PTGFR: variants seen among roughly 807,000 people sequenced by gnomAD.
PTGFR encodes prostaglandin F2-alpha receptor.
A neutral mutation model predicts 26.2 loss-of-function variants in PTGFR; 15 were observed. That is an observed-to-expected ratio of 0.57 (90% CI 0.38 to 0.88). The LOEUF is 0.88. Ranked by LOEUF, PTGFR falls within the 40% of genes least tolerant of loss-of-function variation. PTGFR has a pLI of 0.00. For synonymous variants in PTGFR, 165 were observed against 151.1 expected, an observed-to-expected ratio of 1.09 and a Z score of -0.68; for missense variants, 369 against 427.2, an observed-to-expected ratio of 0.86 and a Z score of 1.20.
chr1:78,533,961 T>G (rs189535566), intron 2 of PTGFR, among the ~76,000 whole-genome samples: 1 of 152,298 alleles, frequency 6.6e-6, no homozygotes, highest in African/African-American at 2.4e-5. Flanking sequence ...CCTCCATGCT[T>G]CTTTGACCTC....
chr1:78,497,529 G>A (rs1373479236), intron 2 of PTGFR, among the ~76,000 whole-genome samples: 1 of 152,042 alleles, frequency 6.6e-6, no homozygotes, highest in Non-Finnish European at 1.5e-5. Flanking sequence ...ATATTCTTTT[G>A]TTTCTACTTT....
chr1:78,532,402 ATATGTGTATATATATGTG>A (rs1407699635), intron 2 of PTGFR: 20 of 140,346 alleles, frequency 1.4e-4, no homozygotes, highest in African/African-American at 3.1e-4. Flanking sequence ...ATATATGTAT[ATATGTGTATATATATGTG>A]TGTATATATG....
intron 2 of PTGFR, among the ~76,000 whole-genome samples, chr1:78,509,879 A>G (rs899407103): frequency 6.6e-6 from 1 of 152,226 alleles, no homozygotes; most frequent in African/African-American, 2.4e-5. Context: ...TATTTTACCT[A>G]TATCAACACT....
chr1:78,500,597 T>C (rs1196729314), intron 2 of PTGFR, among the ~76,000 whole-genome samples: 1 of 152,236 alleles, frequency 6.6e-6, no homozygotes, highest in Non-Finnish European at 1.5e-5. Context: ...GCTCCTCTCC[T>C]ACCCAATCCT....
chr1:78,526,957 G>A (rs916682406), intron 2 of PTGFR, among the ~76,000 whole-genome samples: 1 of 152,084 alleles, frequency 6.6e-6, no homozygotes, highest in South Asian at 2.1e-4. Flanking sequence ...CTTTGTTAAG[G>A]ATAGATGATA....
intron 2 of PTGFR, among the ~76,000 whole-genome samples, chr1:78,515,591 AT>A (rs1650073865): frequency 6.6e-6 from 1 of 152,188 alleles, no homozygotes; most frequent in Non-Finnish European, 1.5e-5. Context: ...GAGTTTTTTT[AT>A]TGGAGAAATT....
intron 1 of PTGFR, among the ~76,000 whole-genome samples, chr1:78,491,446 G>T (rs1649394452): frequency 6.6e-6 from 1 of 152,220 alleles, no homozygotes; most frequent in Non-Finnish European, 1.5e-5. Flanking sequence ...CTCTGCGGGG[G>T]ATTGGGTAGA....
At chr1:78,532,850 T>C (rs1019618587) in intron 2 of PTGFR, among the ~76,000 whole-genome samples, 13 of 152,090 alleles carry the variant, frequency 8.5e-5, no homozygotes, top group Non-Finnish European at 1.8e-4. Context: ...CAGGGAAAAG[T>C]GAAGGCTGTC....
At chr1:78,526,957 G>T (rs916682406) in intron 2 of PTGFR, among the ~76,000 whole-genome samples, 1 of 152,084 alleles carries the variant, frequency 6.6e-6, no homozygotes, top group Non-Finnish European at 1.5e-5. Flanking sequence ...CTTTGTTAAG[G>T]ATAGATGATA....
intron 2 of PTGFR, among the ~76,000 whole-genome samples, chr1:78,529,078 A>ACT (rs1208334309): frequency 6.6e-6 from 1 of 152,188 alleles, no homozygotes; most frequent in Non-Finnish European, 1.5e-5. Context: ...TTGTACCACA[A>ACT]CTTTGAGAAT....
intron 1 of PTGFR, among the ~76,000 whole-genome samples, chr1:78,492,363 G>A (rs1004626283): frequency 6.6e-6 from 1 of 152,116 alleles, no homozygotes; most frequent in African/African-American, 2.4e-5. Context: ...TCTTGGTAGC[G>A]ATTTTGTAAA....
At position 78,538,059 on chromosome 1, in the gene PTGFR, A is replaced by T. The variant is rs562847374; in HGVS notation, c.*1372A>T. ...ATCTTCCCTGTTAGGCTGATTTCAG[A>T]TTCTCTAGGAAATCTGTGTAAGTAA... On this transcript the variant is annotated 3_prime_UTR_variant, in exon 3 of 3. Transcript: ENST00000370757. The T allele has an allele frequency of 6.6e-6, 1 of 152,208 alleles. No homozygotes were observed. Among genetic ancestry groups the T allele is most frequent in the African/African-American group, 2.4e-5 (1 of 41,538 alleles). The allele number at this position is 152,208 out of a possible 1,614,324, so 9.4% of individuals were successfully genotyped here.
intron 2 of PTGFR, among the ~76,000 whole-genome samples, chr1:78,499,819 G>C (rs544934756): frequency 3.5e-4 from 53 of 152,186 alleles, no homozygotes; most frequent in African/African-American, 1.2e-3. Context: ...TTGTTTATAT[G>C]TTTTCTCTGT....
chr1:78,503,679 T>C (rs530833845), intron 2 of PTGFR, among the ~76,000 whole-genome samples: 1 of 152,206 alleles, frequency 6.6e-6, no homozygotes, highest in Non-Finnish European at 1.5e-5. Flanking sequence ...TCCACATGCT[T>C]CCTCTGCCTA....
At chr1:78,492,246 A>G (rs1649420073) in intron 1 of PTGFR, among the ~76,000 whole-genome samples, 1 of 152,244 alleles carries the variant, frequency 6.6e-6, no homozygotes, top group Non-Finnish European at 1.5e-5. Flanking sequence ...AATAATCTGC[A>G]GTTTGGGGGC....
chr1:78,519,179 C>G (rs1048998080), intron 2 of PTGFR, among the ~76,000 whole-genome samples: 2 of 152,132 alleles, frequency 1.3e-5, no homozygotes, highest in African/African-American at 4.8e-5. Flanking sequence ...GAAACCATCT[C>G]TGAGAGTGGA....
intron 2 of PTGFR, among the ~76,000 whole-genome samples, chr1:78,523,297 C>T (rs540120263): frequency 2.6e-5 from 4 of 152,166 alleles, no homozygotes; most frequent in African/African-American, 9.6e-5. Flanking sequence ...CCAAATTGTC[C>T]TACAGAAAGA....
At chr1:78,509,183 G>T (rs575936547) in intron 2 of PTGFR, among the ~76,000 whole-genome samples, 1 of 152,154 alleles carries the variant, frequency 6.6e-6, no homozygotes, top group African/African-American at 2.4e-5. Context: ...AATCAGAAAG[G>T]AATCAGTGGA....
chr1:78,492,614 A>G, intron 1 of PTGFR, 58 bp from the exon 2 acceptor site: 4 of 914,424 alleles, frequency 4.4e-6, no homozygotes, highest in Non-Finnish European at 6.4e-6. Context: ...CACGTCAGTC[A>G]TAAACGTCAG....
Sources: allele counts gnomAD v4.1 joint callset (sites outside exome capture counted in the v4.1 genomes callset), GRCh38; gene constraint gnomAD v4.1.1; transcripts MANE v1.5; gene names NCBI Gene and HGNC (gene_info 2026-07-23, HGNC 2026-07-21).